The following MUC4 variants were observed in gnomAD, a reference collection of about 807,000 sequenced individuals.
MUC4 encodes mucin-4.
Under a neutral mutation model 257.9 loss-of-function variants are expected in MUC4, and 202 were observed. That is an observed-to-expected ratio of 0.78 (90% confidence interval 0.70 to 0.88). The LOEUF (loss-of-function observed/expected upper bound fraction) is 0.88, where lower values mean the gene tolerates loss of function less well. Ranked by LOEUF, MUC4 falls within the 40% of genes least tolerant of loss-of-function variation. The pLI, the probability that MUC4 is intolerant of heterozygous loss-of-function variation, is 0.00. For synonymous variants in MUC4, 2,351 were observed against 2,757.1 expected (o/e 0.85, Z 4.62); for missense variants, 5,976 against 6,513.7 (o/e 0.92, Z 2.84).
chr3:195,803,560 G>A (rs917617310), intron 1 of MUC4, among the ~76,000 whole-genome samples: 1 of 152,232 alleles, frequency 6.6e-6, no homozygotes, highest in Non-Finnish European at 1.5e-5. Flanking sequence ...TCGTAGGCAC[G>A]TTATGACTCT....
chr3:195,807,657 G>A (rs753066862), intron 1 of MUC4, among the ~76,000 whole-genome samples: 1 of 152,186 alleles, frequency 6.6e-6, no homozygotes, highest in Non-Finnish European at 1.5e-5. Flanking sequence ...TGAAACTAGG[G>A]GGAGAGAGAG....
intron 1 of MUC4, among the ~76,000 whole-genome samples, chr3:195,798,823 T>C (rs1316738310): frequency 6.6e-6 from 1 of 152,236 alleles, no homozygotes; most frequent in Non-Finnish European, 1.5e-5. Flanking sequence ...GATACTAGCT[T>C]CGTAAACATA....
intron 3 of MUC4, among the ~76,000 whole-genome samples, chr3:195,775,113 G>A (rs533032825): frequency 1.3e-5 from 2 of 152,014 alleles, no homozygotes; most frequent in East Asian, 3.9e-4. Context: ...CGACTCCTTG[G>A]CGCCCTCCCC....
chr3:195,762,645 C>A (rs1437144876), intron 13 of MUC4, among the ~76,000 whole-genome samples: 1 of 140,036 alleles, frequency 7.1e-6, no homozygotes, highest in Non-Finnish European at 1.6e-5. Flanking sequence ...CGCACCGGGC[C>A]CTGCACCGCC....
In MUC4 at chr3:195,785,464, G is replaced by A; in HGVS notation, c.6116C>T (p.Ser2039Phe). The A allele has an allele frequency of 2.6e-6, 4 of 1,516,452 alleles. No homozygotes were observed. In the South Asian group the frequency reaches 4.8e-5, roughly 18 times the overall value. The allele number at this position is 1,516,452 out of a possible 1,614,324, so 93.9% of individuals were successfully genotyped here. Reference protein sequence around the residue: ...DTTPLPVTDTSSASTGQDTPL... With the variant: ...DTTPLPVTDTFSASTGQDTPL... ...GGTGTCCTGACCTGTGGATGCTGAGGAAGTATCGGTGACAGGAAGCGGCGT... is the reference window on the plus strand; with the variant it reads ...GGTGTCCTGACCTGTGGATGCTGAGAAAGTATCGGTGACAGGAAGCGGCGT... Residue 2039 changes from serine to phenylalanine, a missense_variant, in exon 2 of 25, where the codon TCC becomes TTC. Around this residue, in one of 44 missense-constraint regions of MUC4, gnomAD observed 85 missense variants for 325.0 expected, o/e 0.26. Coordinates refer to ENST00000463781, the MANE Select transcript of MUC4 (RefSeq NM_018406.7).
chr3:195,778,194 G>C, intron 3 of MUC4, 109 bp downstream of exon 3: 1 of 1,386,504 alleles, frequency 7.2e-7, no homozygotes, highest in South Asian at 1.5e-5. Flanking sequence ...CCTGTCCTCG[G>C]TAAGGCCCTC....
chr3:195,754,000 A>G, intron 19 of MUC4: 1 of 595,652 alleles, frequency 1.7e-6, no homozygotes, highest in South Asian at 2.6e-5. Context: ...TCAGCCCCAC[A>G]CCATCCACCA....
intron 1 of MUC4, among the ~76,000 whole-genome samples, chr3:195,811,143 TTATA>T (rs200714321): frequency 0.1 from 13,884 of 135,704 alleles, 917 homozygotes; most frequent in Admixed American, 0.22. Context: ...TTATTTTATT[TTATA>T]TTTATTTATT....
chr3:195,790,495 C>T lies in MUC4; in HGVS notation c.1085G>A (p.Ser362Asn), dbSNP rs1280759312. The T allele has an allele frequency of 1.2e-6, 2 of 1,613,890 alleles. No individual in the cohort carries two copies. The highest frequency in any genetic ancestry group is 2.2e-5 in the East Asian group (1 of 44,894). ...VLSSPSGFNP[S>N]GTVSQETFPS... ...GAATGTCTCCTGAGAAACTGTTCCA[C>T]TTGGGTTGAATCCACTTGGTGAGGA... The change falls in exon 2 of 25, where the codon AGT (serine) becomes AAT (asparagine). Residue 362 changes from serine (S) to asparagine (N), a missense_variant. Ser to Asn is a conservative substitution (Grantham distance 46). Around this residue, in one of 44 missense-constraint regions of MUC4, gnomAD observed 1,583 missense variants for 1,257.4 expected, o/e 1.26. Transcript: ENST00000463781.
In MUC4 at chr3:195,782,755, G is replaced by T. The variant is rs1560335756; in HGVS notation, c.8825C>A (p.Thr2942Asn). 4 of 1,521,238 alleles carry T rather than the reference G, an allele frequency of 2.6e-6. No homozygotes were observed. The highest frequency in any genetic ancestry group is 3.5e-6 in the Non-Finnish European group (4 of 1,129,862). The allele number at this position is 1,521,238 out of a possible 1,614,324, so 94.2% of individuals were successfully genotyped here. A position where few individuals can be genotyped will look rare whatever the true frequency, so the allele number is the denominator to read the frequency against. ...AGTGTCGGTGACAGGAAGAGGGGTGGTGTCACCTGTGGATACTGAGGAAAG... is the reference window on the plus strand; with the variant it reads ...AGTGTCGGTGACAGGAAGAGGGGTGTTGTCACCTGTGGATACTGAGGAAAG... Reference protein sequence around the residue: ...TSLSSVSTGDTTPLPVTDTSS... With the variant: ...TSLSSVSTGDNTPLPVTDTSS... The change falls in exon 2 of 25, where the codon ACC (threonine) becomes AAC (asparagine). Residue 2942 changes from threonine to asparagine, a missense_variant. By Grantham distance (65) the Thr-to-Asn change is moderately conservative. Coordinates refer to ENST00000463781, the MANE Select transcript of MUC4 (RefSeq NM_018406.7).
intron 1 of MUC4, among the ~76,000 whole-genome samples, chr3:195,796,335 G>A (rs973547694): frequency 2.6e-5 from 4 of 151,874 alleles, no homozygotes; most frequent in Non-Finnish European, 4.4e-5. Context: ...TACCCACCTC[G>A]GCATCCCAAA....
chr3:195,762,291 C>CG, intron 13 of MUC4, 37 bp from the exon 14 acceptor site: 1 of 1,536,258 alleles, frequency 6.5e-7, no homozygotes, highest in Admixed American at 2.0e-5. Context: ...GAAGCCAGGT[C>CG]GGCACCACGG....
intron 7 of MUC4, among the ~76,000 whole-genome samples, chr3:195,767,739 T>C (rs371422661): frequency 0.034 from 105 of 3,108 alleles, 5 homozygotes; most frequent in East Asian, 0.11. Flanking sequence ...ACCACCACCA[T>C]CACCATCGCC....
Position 195,749,018 on chromosome 3 carries a change from C to T in MUC4, c.15918G>A (p.Lys5306=), listed in dbSNP as rs372282505. 192 of 1,609,404 alleles carry T rather than the reference C, an allele frequency of 1.2e-4. No individual in the cohort carries two copies. Among genetic ancestry groups the T allele is most frequent in the Admixed American group, 3.2e-4 (19 of 59,476 alleles). The change falls in exon 24 of 25, where the codon AAG becomes AAA. Residue 5306 remains lysine (K), a synonymous_variant. Coordinates refer to ENST00000463781, the MANE Select transcript of MUC4 (RefSeq NM_018406.7). ...LKAYFRCDGY[K]GYDLVYSPQS... ...GGGGGCTGTAGACCAGGTCGTAGCC[C>T]TTGTAGCCATCGCATCTGAAGTAAG... is the stretch of plus-strand genomic sequence containing the variant.
intron 24 of MUC4, 105 bp from the exon 25 acceptor site, chr3:195,747,485 C>T (rs537280351): frequency 3.1e-5 from 41 of 1,302,378 alleles, no homozygotes; most frequent in Non-Finnish European, 4.2e-5. Context: ...AGGCTGGGCT[C>T]GCCCCACTCT....
Position 195,788,673 on chromosome 3 carries a change from G to T in MUC4, c.2907C>A (p.Ala969=). The change falls in exon 2 of 25, where the codon GCC becomes GCA. Residue 969 remains alanine, a synonymous_variant. Transcript: ENST00000463781. ...GAAGAGGGGTGGCGTTGCTGATGAG[G>T]GCCGTGGTGAAGGTTTTACCAGACC... The part of the protein sequence containing the change: ...PSGSGKTFTT[A]LISNATPLPV... 3 of 1,589,008 alleles carry T rather than the reference G, an allele frequency of 1.9e-6. No individual in the cohort carries two copies. The highest frequency in any genetic ancestry group is 2.2e-5 in the South Asian group (2 of 89,904).
chr3:195,753,767 C>A (rs1716954524), intron 19 of MUC4: 1 of 192,226 alleles, frequency 5.2e-6, no homozygotes, highest in Non-Finnish European at 1.0e-5. Context: ...GATCCCCACG[C>A]CAGCCCCTCC....
At position 195,787,245 on chromosome 3, in the gene MUC4, G is replaced by T; in HGVS notation, c.4335C>A (p.Ile1445=). ...TDHATSLPVT[I]PSAASTGHTT... is the part of the protein sequence containing the mutation. ...TGTGACCTGTGGATGCTGCGGAAGGGATGGTTACAGGAAGAGAGGTGGCGT... is the reference window on the plus strand; with the variant it reads ...TGTGACCTGTGGATGCTGCGGAAGGTATGGTTACAGGAAGAGAGGTGGCGT... Residue 1445 remains isoleucine, a synonymous_variant, in exon 2 of 25, where the codon ATC becomes ATA. Transcript: ENST00000463781. 3.6e-6 allele frequency: 1 copy of T among 280,892 alleles called. No homozygotes were observed. The highest frequency in any genetic ancestry group is 5.8e-6 in the Non-Finnish European group (1 of 173,196). The allele number at this position is 280,892 out of a possible 1,614,324, so 17.4% of individuals were successfully genotyped here.
At chr3:195,767,556 T>TCATCACCACCATCACC (rs1560261676) in intron 7 of MUC4, among the ~76,000 whole-genome samples, 1 of 22,400 alleles carries the variant, frequency 4.5e-5, no homozygotes, top group East Asian at 3.8e-3. Flanking sequence ...CCATCACCAT[T>TCATCACCACCATCACC]ACCATTGCCA....
Sources: allele counts gnomAD v4.1 joint callset (sites outside exome capture counted in the v4.1 genomes callset), GRCh38; gene constraint gnomAD v4.1.1; regional missense constraint gnomAD v4.1.1; transcripts MANE v1.5; gene names NCBI Gene and HGNC (gene_info 2026-07-23, HGNC 2026-07-21).